The following TXNDC8 variants were observed in gnomAD, a reference collection of about 807,000 sequenced individuals.
The protein encoded by TXNDC8 is thioredoxin domain containing 8, also known as thioredoxin domain-containing protein 8.
Under a neutral mutation model 12.9 loss-of-function variants are expected in TXNDC8, and 15 were observed. The ratio of observed to expected loss-of-function variants is 1.16; its 90% CI spans 0.78 to 1.79. The LOEUF is 1.79. Ranked by LOEUF, TXNDC8 falls within the 40% of genes most tolerant of loss-of-function variation. The pLI is 0.00. For missense variants in TXNDC8, 128 were observed against 113.2 expected (o/e 1.13, Z -0.59); for synonymous variants, 40 against 35.4 (o/e 1.13, Z -0.46).
At chr9:110,319,960 T>A (rs1197347919) in intron 3 of TXNDC8, among the ~76,000 whole-genome samples, 1 of 152,244 alleles carries the variant, frequency 6.6e-6, no homozygotes, top group Non-Finnish European at 1.5e-5. Flanking sequence ...TAGCTCAGTC[T>A]AGCAGATGGG....
intron 3 of TXNDC8, among the ~76,000 whole-genome samples, chr9:110,318,704 C>A (rs1447491834): frequency 2.0e-5 from 3 of 151,648 alleles, no homozygotes; most frequent in Non-Finnish European, 4.4e-5. Flanking sequence ...TGCCACTGCC[C>A]TCCAGCCTGG....
chr9:110,318,089 C>G (rs1456517874), intron 3 of TXNDC8, among the ~76,000 whole-genome samples: 2 of 152,156 alleles, frequency 1.3e-5, no homozygotes, highest in African/African-American at 4.8e-5. Context: ...AAGTGTATGT[C>G]ACAACTACTC....
intron 3 of TXNDC8, chr9:110,322,915 C>A: frequency 1.0e-6 from 1 of 985,408 alleles, no homozygotes; most frequent in Non-Finnish European, 1.2e-6. Flanking sequence ...TCAGACATGA[C>A]CTCCTTCAGG....
At chr9:110,323,215 G>A in intron 3 of TXNDC8, 4 of 985,434 alleles carry the variant, frequency 4.1e-6, no homozygotes, top group Non-Finnish European at 4.8e-6. Context: ...GGAACTAGAA[G>A]TAGGAATGAC....
intron 3 of TXNDC8, among the ~76,000 whole-genome samples, chr9:110,310,515 C>A (rs568611034): frequency 3.9e-5 from 6 of 152,192 alleles, no homozygotes; most frequent in Non-Finnish European, 8.8e-5. Context: ...ATGCCTAATA[C>A]ATTTATGTAT....
chr9:110,307,801 T>G (rs189271721), intron 3 of TXNDC8, among the ~76,000 whole-genome samples: 115 of 152,370 alleles, frequency 7.5e-4, no homozygotes, highest in African/African-American at 2.7e-3. Context: ...CAAGTTGTCC[T>G]GCCTTTCCGG....
chr9:110,331,176 TTTC>T (rs1267420245), intron 2 of TXNDC8, among the ~76,000 whole-genome samples: 2 of 152,176 alleles, frequency 1.3e-5, no homozygotes, highest in Non-Finnish European at 2.9e-5. Context: ...CAGAAGCTAT[TTTC>T]TTCTTCTTTT....
chr9:110,308,571 C>T (rs533764766), intron 3 of TXNDC8, among the ~76,000 whole-genome samples: 20 of 151,786 alleles, frequency 1.3e-4, no homozygotes, highest in Non-Finnish European at 2.2e-4. Context: ...TTATGGGTAA[C>T]AAGGCCTCTC....
rs1432655684 is a variant in TXNDC8 at position 110,329,226 on chromosome 9, T to C, written c.130-2986A>G. 6.2e-7 allele frequency: 1 copy of C among 1,611,718 alleles called. No individual in the cohort carries two copies. Among genetic ancestry groups the C allele is most frequent in the African/African-American group, 1.3e-5 (1 of 74,982 alleles). Reference sequence around the variant, plus strand: ...AGTATGTGCACAGAAGATTTAAGATTCTTACCGGAGAATTGTTCACATCCA... The same window carrying C: ...AGTATGTGCACAGAAGATTTAAGATCCTTACCGGAGAATTGTTCACATCCA... On this transcript the variant is annotated intron_variant, in intron 2 of 4. Coordinates refer to ENST00000423740, the MANE Select transcript of TXNDC8 (RefSeq NM_001286946.2).
At chr9:110,324,117 T>C in intron 3 of TXNDC8, 1 of 1,332,432 alleles carries the variant, frequency 7.5e-7, no homozygotes, top group Non-Finnish European at 1.0e-6. Flanking sequence ...AAACTCCAAG[T>C]TTTAAAGAGA....
At chr9:110,332,821 G>A (rs1839596384) in intron 2 of TXNDC8, among the ~76,000 whole-genome samples, 2 of 152,082 alleles carry the variant, frequency 1.3e-5, no homozygotes, top group African/African-American at 4.8e-5. Flanking sequence ...TGTGTATGTG[G>A]GAAAAAGATT....
chr9:110,333,221 G>A (rs919665491), intron 2 of TXNDC8, among the ~76,000 whole-genome samples: 1 of 152,136 alleles, frequency 6.6e-6, no homozygotes, highest in Non-Finnish European at 1.5e-5. Flanking sequence ...CGGGAGGTGA[G>A]CGGTGGGTGA....
rs764690881 is a variant in TXNDC8 at position 110,337,762 on chromosome 9, T to G, written c.24+11A>C. On this transcript the variant is annotated intron_variant, in intron 1 of 4. Transcript: ENST00000423740. Reference sequence around the variant, plus strand: ...ATTTGAAATACTCAGTGAAGCCAAATAAATACTTGCCGTGTCTTTAATAAT... The same window carrying G: ...ATTTGAAATACTCAGTGAAGCCAAAGAAATACTTGCCGTGTCTTTAATAAT... 6.2e-7 allele frequency: 1 copy of G among 1,613,782 alleles called. No homozygotes were observed. The highest frequency in any genetic ancestry group is 1.1e-5 in the South Asian group (1 of 91,044).
chr9:110,323,077 G>A, intron 3 of TXNDC8: 3 of 985,094 alleles, frequency 3.0e-6, no homozygotes, highest in Non-Finnish European at 3.6e-6. Context: ...GGAGGGGGAG[G>A]ACATCACATG....
At chr9:110,336,944 A>G (rs1005643587) in intron 1 of TXNDC8, among the ~76,000 whole-genome samples, 1 of 152,194 alleles carries the variant, frequency 6.6e-6, no homozygotes, top group Non-Finnish European at 1.5e-5. Context: ...GCTCCAGGCT[A>G]TTCTGTGACA....
downstream of TXNDC8, among the ~76,000 whole-genome samples, chr9:110,302,239 G>C (rs181920128): frequency 6.7e-6 from 1 of 150,298 alleles, no homozygotes; most frequent in African/African-American, 2.5e-5. Context: ...GGGCTCAAGT[G>C]ATCCTCCCAC....
At chr9:110,315,569 T>G (rs558791131) in intron 3 of TXNDC8, among the ~76,000 whole-genome samples, 5 of 152,222 alleles carry the variant, frequency 3.3e-5, no homozygotes. Context: ...AAGATAATTA[T>G]AGCAAAATAT....
intron 3 of TXNDC8, among the ~76,000 whole-genome samples, chr9:110,307,206 C>A (rs1300224750): frequency 6.6e-6 from 1 of 151,858 alleles, no homozygotes; most frequent in Non-Finnish European, 1.5e-5. Flanking sequence ...CTCCTGCCTC[C>A]CCTCCCAAAG....
At chr9:110,325,867 A>T (rs1346897993) in intron 3 of TXNDC8, among the ~76,000 whole-genome samples, 1 of 152,184 alleles carries the variant, frequency 6.6e-6, no homozygotes, top group African/African-American at 2.4e-5. Context: ...CTTTCTCTGA[A>T]AAGAGTCTTT....
Sources: gnomAD v4.1 joint callset for allele counts (sites outside exome capture counted in the v4.1 genomes callset) on GRCh38, gnomAD v4.1.1 for gene constraint, MANE v1.5 for transcripts, NCBI Gene and HGNC (gene_info 2026-07-23, HGNC 2026-07-21) for gene names.